The following HBS1L variants were observed in gnomAD, a reference collection of about 807,000 sequenced individuals.
The protein encoded by HBS1L is HBS1 like translational GTPase, also known as HBS1-like protein.
A neutral mutation model predicts 88.9 loss-of-function variants in HBS1L; 55 were observed. The ratio of observed to expected loss-of-function variants is 0.62; its 90% CI spans 0.50 to 0.77. HBS1L has a LOEUF of 0.77. Ranked by LOEUF, HBS1L falls within the 30% of genes least tolerant of loss-of-function variation. The probability of loss-of-function intolerance (pLI) is 0.00; values close to 1 mark genes in which losing one functional copy is unlikely to be tolerated. For missense variants in HBS1L, 741 were observed against 829.3 expected (o/e 0.89, Z 1.31); for synonymous variants, 267 against 288.5 (o/e 0.93, Z 0.76).
At chr6:134,996,997 G>T in intron 6 of HBS1L, 55 bp from the exon 7 acceptor site, 14 of 1,244,296 alleles carry the variant, frequency 1.1e-5, no homozygotes, top group South Asian at 3.1e-5. Flanking sequence ...TGTTCACATT[G>T]AGGCATTGCA....
At position 135,050,617 on chromosome 6, in the gene HBS1L, G is replaced by T; in HGVS notation, c.74C>A (p.Ser25Tyr). 1 of 1,595,882 alleles carries T rather than the reference G, an allele frequency of 6.3e-7. No individual in the cohort carries two copies. Among genetic ancestry groups the T allele is most frequent in the South Asian group, 1.1e-5 (1 of 88,124 alleles). ...CGAAATACAATAATCATCCTCTACA[G>T]ACTGGCCGTAGAGATCATCATCTTC... is the stretch of plus-strand genomic sequence containing the variant. ...DFEDDDLYGQ[S>Y]VEDDYCISPS... is the part of the protein sequence containing the mutation. Residue 25 changes from serine to tyrosine, a missense_variant, in exon 2 of 18, where the codon TCT (serine) becomes TAT (tyrosine). Ser to Tyr is a moderately radical substitution (Grantham distance 144). This residue lies in a region of HBS1L where 556 missense variants were observed against 598.4 expected (regional missense o/e 0.93). Transcript: ENST00000367837.
chr6:134,986,101 T>C lies in HBS1L; in HGVS notation c.1388A>G (p.Lys463Arg). The C allele has an allele frequency of 6.3e-7, 1 of 1,588,378 alleles. No homozygotes were observed. Among genetic ancestry groups the C allele is most frequent in the East Asian group, 2.2e-5 (1 of 44,650 alleles). ...ITRSQSSELT[K>R]WYKGLCLLEQ... ...TAATAAACATAGTCCTTTATACCAT[T>C]TTGTGAGTTCACTTGACTGAGATCT... The change falls in exon 11 of 18, where the codon AAA becomes AGA. Residue 463 changes from lysine to arginine, a missense_variant. Physicochemically the swap from Lys to Arg is conservative, Grantham distance 26 (BLOSUM62 2). This residue lies in a region of HBS1L where 556 missense variants were observed against 598.4 expected (regional missense o/e 0.93). Transcript: ENST00000367837.
intron 3 of HBS1L, 64 bp downstream of exon 3, chr6:135,041,937 T>C: frequency 7.6e-6 from 11 of 1,441,796 alleles, no homozygotes; most frequent in Non-Finnish European, 1.1e-5. Context: ...ATAAAACTGA[T>C]AAATTCTGGT....
In HBS1L at chr6:134,997,525, G is replaced by A. The variant is rs1775325005; in HGVS notation, c.671C>T (p.Ala224Val). The A allele has an allele frequency of 6.2e-7, 1 of 1,614,062 alleles. No homozygotes were observed. The highest frequency in any genetic ancestry group is 8.5e-7 in the Non-Finnish European group (1 of 1,179,994). Residue 224 changes from alanine to valine, a missense_variant, in exon 6 of 18, where the codon GCA (alanine) becomes GTA (valine). Ala to Val is a moderately conservative substitution (Grantham distance 64, BLOSUM62 0). This residue lies in a region of HBS1L where 556 missense variants were observed against 598.4 expected (regional missense o/e 0.93). Transcript: ENST00000367837. ...KSANPPHTIQ[A>V]SEEQSSTPAP... ...TGGGGTTGAACTCTGCTCTTCTGAT[G>A]CTTGAATCGTGTGGGGTGGATTAGC...
At chr6:135,022,870 G>A (rs142516576) in intron 4 of HBS1L, among the ~76,000 whole-genome samples, 257 of 151,136 alleles carry the variant, frequency 1.7e-3, no homozygotes, top group Middle Eastern at 6.8e-3. Flanking sequence ...ATTAATCACA[G>A]GATTTATTTC....
Position 134,992,730 on chromosome 6 carries a change from A to G in HBS1L, c.1083+1028T>C, listed in dbSNP as rs536305335. On this transcript the variant is annotated intron_variant, in intron 8 of 17. Transcript: ENST00000367837. ...GTTATTATAAGAGAGTCAGAAAGTT[A>G]AAAAAAATTTAAATGTTTATAAAGT... 6.6e-5 allele frequency among the ~76,000 whole-genome samples: 10 copies of G among 152,270 alleles called. No homozygotes were observed. In the South Asian group the frequency reaches 1.9e-3, roughly 28 times the overall value.
chr6:135,030,687 AAAGT>A (rs1312023029), intron 4 of HBS1L, among the ~76,000 whole-genome samples: 2 of 152,228 alleles, frequency 1.3e-5, no homozygotes, highest in African/African-American at 4.8e-5. Flanking sequence ...AATGAAAACA[AAAGT>A]AACAATAAAG....
At chr6:134,998,101 T>G (rs1775342724) in intron 5 of HBS1L, among the ~76,000 whole-genome samples, 1 of 152,198 alleles carries the variant, frequency 6.6e-6, no homozygotes, top group African/African-American at 2.4e-5. Flanking sequence ...ACTCAAATAC[T>G]ACCCCGAGGG....
At chr6:134,987,600 T>C (rs1412139308) in intron 9 of HBS1L, 45 bp downstream of exon 9, 8 of 1,485,654 alleles carry the variant, frequency 5.4e-6, no homozygotes, top group Non-Finnish European at 6.4e-6. Context: ...CAGAATAACA[T>C]CTTAATTAGC....
At position 134,997,450 on chromosome 6, in the gene HBS1L, G is replaced by A. The variant is rs1303997255; in HGVS notation, c.746C>T (p.Ala249Val). The A allele has an allele frequency of 5.6e-6, 9 of 1,613,830 alleles. No homozygotes were observed. The highest frequency in any genetic ancestry group is 4.0e-5 in the African/African-American group (3 of 74,884). Residue 249 changes from alanine to valine, a missense_variant, in exon 6 of 18, where the codon GCG (alanine) becomes GTG (valine). Physicochemically the swap from Ala to Val is moderately conservative, Grantham distance 64 (BLOSUM62 0). Transcript: ENST00000367837. ...GKLRQQIDVK[A>V]ELEKRQGGKQ... ...CCCTCCTTGCCGCTTCTCCAGTTCC[G>A]CCTTCACATCTATTTGCTGCCTCAG...
At chr6:135,023,956 CTTTTT>C (rs965900034) in intron 4 of HBS1L, among the ~76,000 whole-genome samples, 1 of 151,322 alleles carries the variant, frequency 6.6e-6, no homozygotes, top group Non-Finnish European at 1.5e-5. Flanking sequence ...TCAATGCTCA[CTTTTT>C]TTTAACACTA....
intron 11 of HBS1L, 32 bp downstream of exon 11, chr6:134,986,034 A>G: frequency 2.3e-6 from 2 of 864,384 alleles, no homozygotes; most frequent in Non-Finnish European, 3.9e-6. Context: ...CAAGTTTATA[A>G]TGCATTAAAG....
chr6:135,026,306 A>G (rs1252533088), intron 4 of HBS1L, among the ~76,000 whole-genome samples: 1 of 152,224 alleles, frequency 6.6e-6, no homozygotes, highest in Non-Finnish European at 1.5e-5. Flanking sequence ...GTAAATGTTC[A>G]CATCTCCATT....
intron 4 of HBS1L, chr6:135,037,558 A>G: frequency 1.3e-6 from 2 of 1,550,180 alleles, no homozygotes; most frequent in African/African-American, 1.4e-5. Flanking sequence ...ATTATTTTGA[A>G]TATATAAAGA....
chr6:134,966,765 T>C (rs1774328494), intron 16 of HBS1L, among the ~76,000 whole-genome samples: 1 of 151,528 alleles, frequency 6.6e-6, no homozygotes, highest in Non-Finnish European at 1.5e-5. Flanking sequence ...TTAAGGCCCC[T>C]CATCATGAAA....
intron 4 of HBS1L, among the ~76,000 whole-genome samples, chr6:135,016,917 C>T (rs1030761169): frequency 2.0e-5 from 3 of 151,842 alleles, no homozygotes; most frequent in African/African-American, 7.3e-5. Flanking sequence ...CTTGCTCCTC[C>T]CTTTTAAAAA....
intron 2 of HBS1L, among the ~76,000 whole-genome samples, chr6:135,049,942 T>C (rs760768071): frequency 2.0e-5 from 3 of 152,224 alleles, no homozygotes; most frequent in Non-Finnish European, 4.4e-5. Flanking sequence ...GAGACAAATG[T>C]AGTGTTAGAG....
rs548909531 is a variant in HBS1L at position 134,963,519 on chromosome 6, G to C, written c.*1760C>G. The C allele has an allele frequency of 1.0e-4, 16 of 152,512 alleles. No homozygotes were observed. The highest frequency in any genetic ancestry group is 3.9e-4 in the African/African-American group (16 of 41,536). The allele number at this position is 152,512 out of a possible 1,614,324, so 9.4% of individuals were successfully genotyped here. The stretch of plus-strand genomic sequence containing the variant: ...CAGCCTCGACCTCCTGGGCTCAAGT[G>C]ATCTTCCCACCCCAGCCTCCTGAGA... On this transcript the variant is annotated 3_prime_UTR_variant, in exon 18 of 18. Transcript: ENST00000367837.
chr6:135,039,798 A>G, intron 3 of HBS1L, 31 bp from the exon 4 acceptor site: 1 of 1,548,824 alleles, frequency 6.5e-7, no homozygotes, highest in Non-Finnish European at 8.8e-7. Flanking sequence ...CAAAAGCTAT[A>G]CTAAATGGTG....
Sources: gnomAD v4.1 joint callset for allele counts (sites outside exome capture counted in the v4.1 genomes callset) on GRCh38, gnomAD v4.1.1 for gene constraint, gnomAD v4.1.1 regional missense constraint, MANE v1.5 for transcripts, NCBI Gene and HGNC (gene_info 2026-07-23, HGNC 2026-07-21) for gene names.